The following AKAP19 variants were observed in gnomAD, a reference collection of about 807,000 sequenced individuals.
The protein encoded by AKAP19 is A-kinase anchoring protein 19.
At chr2:190,054,816 A>C in the AKAP19 span, among the ~76,000 whole-genome samples, 1 of 152,228 alleles carries the variant, frequency 6.6e-6, no homozygotes, top group African/African-American at 2.4e-5. Flanking sequence ...ATCATTAAAA[A>C]GTCAGGAAAC....
the AKAP19 span, among the ~76,000 whole-genome samples, chr2:189,897,486 A>T: frequency 5.3e-5 from 8 of 152,236 alleles, no homozygotes; most frequent in East Asian, 1.4e-3. Flanking sequence ...TAGAATATGA[A>T]TATTTTTGGT....
the AKAP19 span, among the ~76,000 whole-genome samples, chr2:189,978,503 C>T: frequency 6.6e-6 from 1 of 152,112 alleles, no homozygotes; most frequent in Non-Finnish European, 1.5e-5. Flanking sequence ...TGCTTGTAGT[C>T]CCAGCTACTC....
chr2:190,171,230 AG>A, the AKAP19 span, among the ~76,000 whole-genome samples: 1 of 135,122 alleles, frequency 7.4e-6, no homozygotes, highest in Non-Finnish European at 1.6e-5. Context: ...ATAGAAAAAA[AG>A]TTAAAAAAAA....
At chr2:190,035,488 C>T in the AKAP19 span, among the ~76,000 whole-genome samples, 1 of 152,096 alleles carries the variant, frequency 6.6e-6, no homozygotes, top group Admixed American at 6.6e-5. Context: ...ACAAAACTGT[C>T]CCTCATGCCA....
the AKAP19 span, among the ~76,000 whole-genome samples, chr2:189,947,408 A>G: frequency 1.3e-5 from 2 of 152,282 alleles, no homozygotes; most frequent in Admixed American, 1.3e-4. Context: ...TAAGTATACA[A>G]TTTTAAACTA....
the AKAP19 span, among the ~76,000 whole-genome samples, chr2:190,115,811 G>C: frequency 7.2e-5 from 11 of 152,148 alleles, no homozygotes; most frequent in African/African-American, 2.7e-4. Context: ...GAGGCCTAAT[G>C]GGCACTACCT....
chr2:189,956,359 C>G, the AKAP19 span, among the ~76,000 whole-genome samples: 1 of 150,086 alleles, frequency 6.7e-6, no homozygotes, highest in East Asian at 2.0e-4. Context: ...TTAGTAGAGA[C>G]GGGGTTTCAC....
chr2:189,946,595 C>T, the AKAP19 span, among the ~76,000 whole-genome samples: 1 of 152,148 alleles, frequency 6.6e-6, no homozygotes, highest in Non-Finnish European at 1.5e-5. Context: ...CTTCCTGTTT[C>T]TCCTTTTAGC....
the AKAP19 span, among the ~76,000 whole-genome samples, chr2:189,943,480 C>A: frequency 5.3e-5 from 8 of 152,190 alleles, no homozygotes; most frequent in African/African-American, 1.9e-4. Context: ...GCTTCAGGGG[C>A]AGAGCCCTCA....
At chr2:189,976,577 G>A in the AKAP19 span, among the ~76,000 whole-genome samples, 1 of 152,204 alleles carries the variant, frequency 6.6e-6, no homozygotes, top group Non-Finnish European at 1.5e-5. Context: ...CCCCTGAGGT[G>A]GAGTCTACAG....
chr2:190,145,243 C>T, the AKAP19 span, among the ~76,000 whole-genome samples: 1 of 152,174 alleles, frequency 6.6e-6, no homozygotes. Flanking sequence ...GCAGAGATCA[C>T]ATGACAGAGT....
At chr2:189,984,326 T>C in the AKAP19 span, among the ~76,000 whole-genome samples, 4 of 152,170 alleles carry the variant, frequency 2.6e-5, no homozygotes, top group Non-Finnish European at 4.4e-5. Flanking sequence ...GCGCATTCTC[T>C]TTCTCAGGGA....
the AKAP19 span, among the ~76,000 whole-genome samples, chr2:190,093,475 G>A: frequency 6.6e-6 from 1 of 151,982 alleles, no homozygotes; most frequent in Non-Finnish European, 1.5e-5. Flanking sequence ...AACTAAAATA[G>A]TAATGTATAG....
At chr2:189,893,352 G>A in the AKAP19 span, among the ~76,000 whole-genome samples, 1 of 152,180 alleles carries the variant, frequency 6.6e-6, no homozygotes, top group African/African-American at 2.4e-5. Context: ...GGTGGCGTAG[G>A]CACCTGAAGG....
the AKAP19 span, among the ~76,000 whole-genome samples, chr2:189,959,115 G>A: frequency 1.3e-5 from 2 of 151,670 alleles, no homozygotes; most frequent in Non-Finnish European, 2.9e-5. Flanking sequence ...TTCATTTTTT[G>A]TTATTCATAT....
chr2:189,933,320 C>T, the AKAP19 span, among the ~76,000 whole-genome samples: 7 of 152,190 alleles, frequency 4.6e-5, no homozygotes, highest in East Asian at 1.9e-4. Flanking sequence ...AAATCAAAAC[C>T]GTGTACCTAG....
At chr2:190,023,451 A>G in the AKAP19 span, among the ~76,000 whole-genome samples, 1 of 152,068 alleles carries the variant, frequency 6.6e-6, no homozygotes, top group African/African-American at 2.4e-5. Context: ...CAAAATTTAC[A>G]TATTTTAAAA....
the AKAP19 span, among the ~76,000 whole-genome samples, chr2:189,907,441 C>T: frequency 6.6e-6 from 1 of 152,154 alleles, no homozygotes; most frequent in Non-Finnish European, 1.5e-5. Flanking sequence ...GCTTGAATAT[C>T]ATCTTATCAG....
At chr2:190,062,687 T>C in the AKAP19 span, 7 of 1,259,636 alleles carry the variant, frequency 5.6e-6, no homozygotes, top group Non-Finnish European at 7.8e-6. Context: ...AAAATTTTAA[T>C]GCATGTACAG....
Sources: allele counts gnomAD v4.1 joint callset (sites outside exome capture counted in the v4.1 genomes callset), GRCh38; gene constraint gnomAD v4.1.1; transcripts MANE v1.5; gene names NCBI Gene and HGNC (gene_info 2026-07-23, HGNC 2026-07-21).